The following PRDM16 variants were observed in gnomAD, a reference collection of about 807,000 sequenced individuals.
PRDM16 encodes the protein PR/SET domain 16.
PRDM16 carries 23 observed loss-of-function variants against 110.6 expected under a neutral mutation model. That is an observed-to-expected ratio of 0.21 (90% confidence interval 0.15 to 0.29). The LOEUF is 0.29. PRDM16 is among the 10% of genes least tolerant of loss of function. The probability of loss-of-function intolerance (pLI) is 1.00; values close to 1 mark genes in which losing one functional copy is unlikely to be tolerated. For synonymous variants in PRDM16, 799 were observed against 781.8 expected, an observed-to-expected ratio of 1.02 and a Z score of -0.37; for missense variants, 1,615 against 1,794.3, an observed-to-expected ratio of 0.90 and a Z score of 1.81.
At chr1:3,138,183 C>CTCCTATAA (rs1288929223) in intron 1 of PRDM16, among the ~76,000 whole-genome samples, 1 of 152,224 alleles carries the variant, frequency 6.6e-6, no homozygotes, top group Non-Finnish European at 1.5e-5. Flanking sequence ...TTCTGTCCCC[C>CTCCTATAA]TCCTATAATC....
chr1:3,231,803 G>A (rs1167064837), intron 2 of PRDM16, among the ~76,000 whole-genome samples: 4 of 152,184 alleles, frequency 2.6e-5, no homozygotes, highest in South Asian at 2.1e-4. Flanking sequence ...CGGGCAGAGC[G>A]GGCAGCCTTT....
intron 12 of PRDM16, 125 bp downstream of exon 12, chr1:3,418,869 G>T (rs1557665979): frequency 2.7e-6 from 2 of 734,444 alleles, no homozygotes. Context: ...AGTGGGCAGG[G>T]CCGGGTGCTG....
intron 1 of PRDM16, among the ~76,000 whole-genome samples, chr1:3,126,994 C>T (rs1216198543): frequency 6.6e-6 from 1 of 152,210 alleles, no homozygotes; most frequent in Non-Finnish European, 1.5e-5. Context: ...GCCCCGGACA[C>T]AATTGCTAGG....
At chr1:3,418,646 C>A in intron 11 of PRDM16, 21 bp from the exon 12 acceptor site, 7 of 1,553,858 alleles carry the variant, frequency 4.5e-6, no homozygotes, top group East Asian at 2.2e-5. Flanking sequence ...CCCTCACCCT[C>A]CCCACCTCCC....
chr1:3,366,719 T>C (rs773037493), intron 3 of PRDM16, among the ~76,000 whole-genome samples: 1 of 152,126 alleles, frequency 6.6e-6, no homozygotes, highest in African/African-American at 2.4e-5. Flanking sequence ...AGCAGAAAAA[T>C]GATTAGGGCG....
chr1:3,158,045 C>G (rs960740160), intron 1 of PRDM16, among the ~76,000 whole-genome samples: 2 of 152,222 alleles, frequency 1.3e-5, no homozygotes, highest in African/African-American at 4.8e-5. Context: ...AAGATAATAT[C>G]TGGTATACTT....
At chr1:3,240,848 A>G (rs1174031148) in intron 2 of PRDM16, among the ~76,000 whole-genome samples, 4 of 152,244 alleles carry the variant, frequency 2.6e-5, no homozygotes, top group African/African-American at 9.6e-5. Context: ...ACTTAGCTAA[A>G]TCCTGGCGCT....
intron 3 of PRDM16, among the ~76,000 whole-genome samples, chr1:3,325,856 T>C: frequency 6.7e-6 from 1 of 149,926 alleles, no homozygotes; most frequent in Non-Finnish European, 1.5e-5. Context: ...TGGCCTTCCT[T>C]AGCGGTTCTC....
intron 2 of PRDM16, among the ~76,000 whole-genome samples, chr1:3,223,405 T>C (rs1026236702): frequency 6.6e-6 from 1 of 152,154 alleles, no homozygotes; most frequent in Non-Finnish European, 1.5e-5. Flanking sequence ...TTGTCTGGAA[T>C]GTTCCTGGGC....
intron 1 of PRDM16, among the ~76,000 whole-genome samples, chr1:3,138,270 T>C (rs1569658671): frequency 1.3e-5 from 2 of 152,324 alleles, no homozygotes; most frequent in Admixed American, 1.3e-4. Context: ...CTTCTTCAAG[T>C]TCAACAATGG....
chr1:3,325,497 C>T (rs2065523), intron 3 of PRDM16, among the ~76,000 whole-genome samples: 25,919 of 152,198 alleles, frequency 0.17, 2,439 homozygotes, highest in East Asian at 0.33. Flanking sequence ...CCCTGACCAC[C>T]GGCCAGATGG....
At chr1:3,263,384 G>C (rs746335247) in intron 3 of PRDM16, among the ~76,000 whole-genome samples, 2 of 152,192 alleles carry the variant, frequency 1.3e-5, no homozygotes, top group East Asian at 3.8e-4. Flanking sequence ...CTCCCGTGGG[G>C]CCCCCCGCAG....
intron 4 of PRDM16, among the ~76,000 whole-genome samples, chr1:3,389,955 C>CT (rs1643270850): frequency 7.9e-6 from 1 of 126,024 alleles, no homozygotes; most frequent in Non-Finnish European, 1.8e-5. Flanking sequence ...GTGCGCCCCC[C>CT]CCCCCCCCCC....
chr1:3,393,570 G>A (rs930257268), intron 4 of PRDM16, among the ~76,000 whole-genome samples: 4 of 152,214 alleles, frequency 2.6e-5, no homozygotes, highest in Non-Finnish European at 5.9e-5. Flanking sequence ...GCCAGGAGCC[G>A]GCGCAGGCTG....
Position 3,414,642 on chromosome 1 carries a change from C to T in PRDM16, c.2686C>T (p.Pro896Ser). ...GCGGCCGTCCCCGCTGCTCTTCCACCCCCAGGTACGTCCTCAGTGCAGGTC... is the reference window on the plus strand; with the variant it reads ...GCGGCCGTCCCCGCTGCTCTTCCACTCCCAGGTACGTCCTCAGTGCAGGTC... ...YLRPSPLLFH[P>S]QMSAIETMTE... is the part of the protein sequence containing the mutation. Residue 896 changes from proline (P) to serine (S), a missense_variant, in exon 10 of 17, where the codon CCC becomes TCC. By Grantham distance (74) the Pro-to-Ser change is moderately conservative. Transcript: ENST00000270722. 6.2e-7 allele frequency: 1 copy of T among 1,612,666 alleles called. No homozygotes were observed. The highest frequency in any genetic ancestry group is 8.5e-7 in the Non-Finnish European group (1 of 1,179,430).
chr1:3,186,581 A>C (rs1181768966), intron 2 of PRDM16, 107 bp downstream of exon 2: 2 of 683,444 alleles, frequency 2.9e-6, no homozygotes, highest in Non-Finnish European at 4.8e-6. Flanking sequence ...AGGCGCGGCC[A>C]GAGAGAGCGT....
rs1353101310 is a variant in PRDM16, at chr1:3,175,417, C to G, written c.38-10708C>G. ...CTGCTCTCCCCGATCAGCTCTCCCA[C>G]AACCACAGCCTGCCTGATGCGCCCA... On this transcript the variant is annotated intron_variant, in intron 1 of 16. Coordinates refer to ENST00000270722, the MANE Select transcript of PRDM16 (RefSeq NM_022114.4). This position sits in a 1 kb window ranked among gnomAD's most constrained non-coding sequence, Gnocchi z 4.8. Among the ~76,000 whole-genome samples the G allele has an allele frequency of 6.6e-6, 1 of 152,204 alleles. No individual in the cohort carries two copies. Among genetic ancestry groups the G allele is most frequent in the African/African-American group, 2.4e-5 (1 of 41,428 alleles).
At chr1:3,261,635 C>T (rs1221124261) in intron 3 of PRDM16, among the ~76,000 whole-genome samples, 1 of 152,190 alleles carries the variant, frequency 6.6e-6, no homozygotes, top group Non-Finnish European at 1.5e-5. Flanking sequence ...CCAGCCCACG[C>T]ACACACCAGA....
intron 1 of PRDM16, among the ~76,000 whole-genome samples, chr1:3,087,672 C>A (rs967806554): frequency 5.9e-5 from 9 of 152,304 alleles, no homozygotes; most frequent in Middle Eastern, 3.4e-3. Flanking sequence ...AATGCCATGT[C>A]CAGATGATCA....
Sources: gnomAD v4.1 joint callset for allele counts (sites outside exome capture counted in the v4.1 genomes callset) on GRCh38, gnomAD v4.1.1 for gene constraint, Gnocchi (gnomAD v3.1) non-coding constraint, MANE v1.5 for transcripts, NCBI Gene and HGNC (gene_info 2026-07-23, HGNC 2026-07-21) for gene names.